The following RGL1 variants were observed in gnomAD, a reference collection of about 807,000 sequenced individuals.
RGL1 encodes the protein ral guanine nucleotide dissociation stimulator-like 1.
A neutral mutation model predicts 95.2 loss-of-function variants in RGL1; 24 were observed. That is an observed-to-expected ratio of 0.25 (90% CI 0.18 to 0.35). RGL1 has a LOEUF of 0.35. RGL1 is among the 10% of genes least tolerant of loss of function. The pLI, the probability that RGL1 is intolerant of heterozygous loss-of-function variation, is 1.00. For synonymous variants in RGL1, 329 were observed against 344.9 expected (o/e 0.95, Z 0.51); for missense variants, 715 against 936.3 (o/e 0.76, Z 3.08).
At chr1:183,818,416 C>T (rs1662230046) in intron 2 of RGL1, among the ~76,000 whole-genome samples, 1 of 152,206 alleles carries the variant, frequency 6.6e-6, no homozygotes, top group Non-Finnish European at 1.5e-5. Context: ...TTTACCTGCC[C>T]TGCTTTTCTG....
chr1:183,817,962 A>G (rs959902568), intron 2 of RGL1, among the ~76,000 whole-genome samples: 2 of 152,236 alleles, frequency 1.3e-5, no homozygotes, highest in East Asian at 3.8e-4. Context: ...AAAGTTGATT[A>G]AAGTGTTTCC....
intron 2 of RGL1, among the ~76,000 whole-genome samples, chr1:183,780,783 T>C (rs1434029807): frequency 6.6e-6 from 1 of 152,208 alleles, no homozygotes; most frequent in Admixed American, 6.5e-5. Flanking sequence ...TAATGAAATA[T>C]GCCACAATAG....
chr1:183,819,718 G>A (rs1465139248), intron 2 of RGL1, among the ~76,000 whole-genome samples: 1 of 151,480 alleles, frequency 6.6e-6, no homozygotes, highest in Non-Finnish European at 1.5e-5. Context: ...GTTTGCTTTA[G>A]AAAAGAAGGA....
chr1:183,843,859 C>T (rs1301982273), intron 2 of RGL1, among the ~76,000 whole-genome samples: 2 of 151,966 alleles, frequency 1.3e-5, no homozygotes, highest in Non-Finnish European at 2.9e-5. Context: ...TGGAGTCTCG[C>T]TCTGTTGCCC....
rs142806838 is a variant in RGL1, at chr1:183,644,500, G to T, written c.-33+7999G>T. On this transcript the variant is annotated intron_variant, in intron 1 of 18. Transcript: ENST00000304685. Reference sequence around the variant, plus strand: ...GAGTGTAGTGGTGTGATCATGGCTCGCTGCAGCCTCTACTTCCTGGGCTGA... The same window carrying T: ...GAGTGTAGTGGTGTGATCATGGCTCTCTGCAGCCTCTACTTCCTGGGCTGA... 1.9e-3 allele frequency among the ~76,000 whole-genome samples: 286 copies of T among 151,980 alleles called. 6 individuals are homozygous for T. In the East Asian group the frequency reaches 0.043, roughly 23 times the overall value.
At chr1:183,864,235 C>T (rs1461595243) in intron 3 of RGL1, among the ~76,000 whole-genome samples, 1 of 152,180 alleles carries the variant, frequency 6.6e-6, no homozygotes, top group African/African-American at 2.4e-5. Flanking sequence ...ATCTACCTTT[C>T]ATAGCTTCCA....
chr1:183,916,714 C>G lies in RGL1; in HGVS notation c.2004+13C>G. 4.4e-6 allele frequency: 7 copies of G among 1,606,346 alleles called. No individual in the cohort carries two copies. The highest frequency in any genetic ancestry group is 5.9e-6 in the Non-Finnish European group (7 of 1,176,736). On this transcript the variant is annotated intron_variant, in intron 16 of 17. Coordinates refer to ENST00000360851, the MANE Select transcript of RGL1 (RefSeq NM_001297671.3). ...CAAGAGCATCATGGTGAGGAGCAAG[C>G]CCTGACCCAGGAGCGGGTTTCCATT...
chr1:183,913,821 G>T (rs1417574432), intron 15 of RGL1, among the ~76,000 whole-genome samples: 4 of 152,164 alleles, frequency 2.6e-5, no homozygotes, highest in Non-Finnish European at 4.4e-5. Flanking sequence ...TCATATTCAG[G>T]ATTCATCAAA....
At chr1:183,758,163 A>T (rs927070054) in intron 2 of RGL1, among the ~76,000 whole-genome samples, 9 of 152,052 alleles carry the variant, frequency 5.9e-5, no homozygotes, top group Non-Finnish European at 1.3e-4. Context: ...TGCCACAATG[A>T]AATAGCACAG....
chr1:183,801,733 T>C (rs1056625667), upstream of RGL1, among the ~76,000 whole-genome samples: 1 of 152,224 alleles, frequency 6.6e-6, no homozygotes, highest in East Asian at 1.9e-4. Context: ...TCTGCATCTG[T>C]TGAGGGCCTC....
At chr1:183,890,065 G>T (rs1667328754) in intron 8 of RGL1, among the ~76,000 whole-genome samples, 1 of 151,990 alleles carries the variant, frequency 6.6e-6, no homozygotes, top group Non-Finnish European at 1.5e-5. Context: ...AGCATGCAGT[G>T]TCCCCACCCT....
intron 2 of RGL1, among the ~76,000 whole-genome samples, chr1:183,845,336 T>C (rs1358458844): frequency 1.3e-5 from 2 of 152,238 alleles, no homozygotes; most frequent in Non-Finnish European, 2.9e-5. Context: ...TCTGTATAAT[T>C]TGTTAGGCAC....
intron 1 of RGL1, among the ~76,000 whole-genome samples, chr1:183,720,777 T>A (rs1238333462): frequency 6.6e-6 from 1 of 152,164 alleles, no homozygotes; most frequent in Non-Finnish European, 1.5e-5. Context: ...TAAGGGTGAC[T>A]TGGTTTAGGG....
intron 1 of RGL1, among the ~76,000 whole-genome samples, chr1:183,659,299 A>G (rs1307325820): frequency 6.6e-6 from 1 of 152,194 alleles, no homozygotes; most frequent in East Asian, 1.9e-4. Context: ...AAAGAAGTTG[A>G]AAACTTTGAA....
intron 1 of RGL1, among the ~76,000 whole-genome samples, chr1:183,679,040 C>T (rs1167545031): frequency 6.6e-6 from 1 of 152,118 alleles, no homozygotes; most frequent in Admixed American, 6.5e-5. Flanking sequence ...CTAAGCATAT[C>T]AGAGGGAGGA....
chr1:183,895,780 A>T (rs12079326), intron 9 of RGL1, among the ~76,000 whole-genome samples: 34,131 of 152,048 alleles, frequency 0.22, 4,056 homozygotes, highest in Non-Finnish European at 0.25. Context: ...TTGACACCTC[A>T]TTTGGAATAA....
intron 1 of RGL1, among the ~76,000 whole-genome samples, chr1:183,641,971 C>T (rs1268451524): frequency 6.6e-6 from 1 of 152,184 alleles, no homozygotes; most frequent in African/African-American, 2.4e-5. Context: ...ATTTTAGTAT[C>T]TTCCATGACC....
chr1:183,900,262 C>G, intron 11 of RGL1, 26 bp downstream of exon 11: 2 of 1,582,614 alleles, frequency 1.3e-6, no homozygotes, highest in Non-Finnish European at 8.7e-7. Context: ...GTGGTGTGAT[C>G]GGGCCTGCAG....
At chr1:183,703,624 T>A (rs1654731717) in intron 1 of RGL1, among the ~76,000 whole-genome samples, 1 of 152,232 alleles carries the variant, frequency 6.6e-6, no homozygotes, top group Admixed American at 6.5e-5. Context: ...CAATTGGAGA[T>A]ATTAAACTTA....
Sources: gnomAD v4.1 joint callset for allele counts (sites outside exome capture counted in the v4.1 genomes callset) on GRCh38, gnomAD v4.1.1 for gene constraint, MANE v1.5 for transcripts, NCBI Gene and HGNC (gene_info 2026-07-23, HGNC 2026-07-21) for gene names.